Variants in DCC observed in about 807,000 individuals in gnomAD.
DCC encodes DCC netrin 1 receptor.
DCC carries 58 observed loss-of-function variants against 172.5 expected under a neutral mutation model. The ratio of observed to expected loss-of-function variants is 0.34; its 90% CI spans 0.27 to 0.42. The LOEUF (loss-of-function observed/expected upper bound fraction) is 0.42, where lower values mean the gene tolerates loss of function less well. Ranked by LOEUF, DCC falls within the 10% of genes least tolerant of loss-of-function variation. The pLI is 1.00. For synonymous variants in DCC, 709 were observed against 644.5 expected (o/e 1.10, Z -1.52); for missense variants, 1,740 against 1,791.0 (o/e 0.97, Z 0.51).
chr18:52,681,050 C>CT (rs1454927209), intron 1 of DCC, among the ~76,000 whole-genome samples: 2 of 152,054 alleles, frequency 1.3e-5, no homozygotes, highest in Non-Finnish European at 1.5e-5. Context: ...TTATTAAGTG[C>CT]TTACTCTATA....
rs111476286 is a variant in DCC at position 52,497,260 on chromosome 18, CAAAAAAAAAAA to C, written c.91+156393_91+156403del. ...TGGGTAACAGAGTGAGACCCTGTAT[CAAAAAAAAAAA>C]AAAAAAAAAATATATATATATATAT... On this transcript the variant is annotated intron_variant, in intron 1 of 28. Transcript: ENST00000442544. Among the ~76,000 whole-genome samples, 103 of 53,938 alleles carry C rather than the reference CAAAAAAAAAAA, an allele frequency of 1.9e-3. 9 individuals carry two copies. The highest frequency in any genetic ancestry group is 6.2e-3 in the African/African-American group (94 of 15,150). The allele number at this position is 53,938 out of a possible 152,430, so 35.4% of individuals were successfully genotyped here.
At chr18:52,595,649 A>C (rs1295044765) in intron 1 of DCC, among the ~76,000 whole-genome samples, 1 of 152,176 alleles carries the variant, frequency 6.6e-6, no homozygotes, top group African/African-American at 2.4e-5. Flanking sequence ...TCCTCAGTCC[A>C]TTCCGCTATC....
At chr18:53,056,261 A>G (rs900827242) in intron 5 of DCC, among the ~76,000 whole-genome samples, 2 of 152,112 alleles carry the variant, frequency 1.3e-5, no homozygotes, top group Non-Finnish European at 2.9e-5. Context: ...GTTTAAAACC[A>G]TCAGCTCTCC....
chr18:52,668,996 C>A (rs1173172750), intron 1 of DCC, among the ~76,000 whole-genome samples: 2 of 152,192 alleles, frequency 1.3e-5, no homozygotes, highest in Non-Finnish European at 2.9e-5. Flanking sequence ...GCAGAGCTGG[C>A]CGCACTGGAG....
chr18:52,566,295 C>T (rs1489151673), intron 1 of DCC, among the ~76,000 whole-genome samples: 1 of 151,986 alleles, frequency 6.6e-6, no homozygotes, highest in South Asian at 2.1e-4. Flanking sequence ...TGTTCTCATT[C>T]GTAAGTGGGA....
chr18:53,259,392 T>G (rs1468928108), intron 12 of DCC, among the ~76,000 whole-genome samples: 1 of 152,214 alleles, frequency 6.6e-6, no homozygotes, highest in Non-Finnish European at 1.5e-5. Context: ...AGGAGCTCTT[T>G]TAGGGCAGGC....
At chr18:53,287,671 G>A (rs1355536467) in intron 12 of DCC, among the ~76,000 whole-genome samples, 1 of 152,006 alleles carries the variant, frequency 6.6e-6, no homozygotes, top group Non-Finnish European at 1.5e-5. Context: ...TGCCAATATT[G>A]TTATTATGTG....
intron 1 of DCC, among the ~76,000 whole-genome samples, chr18:52,436,334 A>G (rs759063908): frequency 2.6e-4 from 39 of 152,324 alleles, no homozygotes; most frequent in Admixed American, 8.5e-4. Flanking sequence ...TTTGAGACAG[A>G]CATTAGTGGC....
chr18:53,482,014 A>C (rs1046396694), intron 25 of DCC, among the ~76,000 whole-genome samples: 1 of 152,116 alleles, frequency 6.6e-6, no homozygotes, highest in Non-Finnish European at 1.5e-5. Context: ...TTACATAAAC[A>C]TAGCAGTGGA....
chr18:52,536,117 G>C (rs1419180324), intron 1 of DCC, among the ~76,000 whole-genome samples: 1 of 152,184 alleles, frequency 6.6e-6, no homozygotes, highest in Non-Finnish European at 1.5e-5. Context: ...TGTGTGGCTA[G>C]AAAGTAGAGG....
intron 10 of DCC, 98 bp downstream of exon 10, chr18:53,205,462 C>A: frequency 8.8e-7 from 1 of 1,137,858 alleles, no homozygotes; most frequent in South Asian, 1.2e-5. Flanking sequence ...CTCGCAAACT[C>A]TTGAAACAGC....
chr18:53,299,836 CTATTT>C (rs2057111918), intron 12 of DCC, among the ~76,000 whole-genome samples: 1 of 152,124 alleles, frequency 6.6e-6, no homozygotes, highest in African/African-American at 2.4e-5. Flanking sequence ...GGATACATGT[CTATTT>C]TATTTAACCA....
At chr18:53,162,315 A>T (rs991939209) in intron 8 of DCC, among the ~76,000 whole-genome samples, 6 of 151,444 alleles carry the variant, frequency 4.0e-5, no homozygotes, top group African/African-American at 1.2e-4. Flanking sequence ...AAAAAAAAAA[A>T]TTAAGACCAG....
intron 1 of DCC, among the ~76,000 whole-genome samples, chr18:52,614,861 A>G (rs1451597827): frequency 6.6e-6 from 1 of 152,210 alleles, no homozygotes; most frequent in African/African-American, 2.4e-5. Context: ...TTGAGAAAAT[A>G]GTAACATAAA....
intron 1 of DCC, among the ~76,000 whole-genome samples, chr18:52,393,229 C>G (rs1285921432): frequency 1.3e-5 from 2 of 152,078 alleles, no homozygotes; most frequent in East Asian, 3.9e-4. Context: ...CCATTCATAA[C>G]AGAGGGTTAT....
At chr18:52,396,890 A>C (rs1400449152) in intron 1 of DCC, among the ~76,000 whole-genome samples, 1 of 152,038 alleles carries the variant, frequency 6.6e-6, no homozygotes, top group Non-Finnish European at 1.5e-5. Flanking sequence ...GTGATCCTCT[A>C]AGAGAGGGCA....
rs1303495611 is a variant in DCC at position 53,328,069 on chromosome 18, AT to A, written c.2164+5913del. Among the ~76,000 whole-genome samples, 8 of 152,348 alleles carry A rather than the reference AT, an allele frequency of 5.3e-5. No homozygotes were observed. In the East Asian group the frequency reaches 1.4e-3, roughly 26 times the overall value. Reference sequence around the variant, plus strand: ...AAGCAAAAACTGATTTTTAAAAGCAATATGGTATCTGTTTCAGTTCCGGTGC... The same window carrying A: ...AAGCAAAAACTGATTTTTAAAAGCAAATGGTATCTGTTTCAGTTCCGGTGC... On this transcript the variant is annotated intron_variant, in intron 14 of 28. Transcript: ENST00000442544.
intron 12 of DCC, among the ~76,000 whole-genome samples, chr18:53,297,988 T>C: frequency 6.6e-6 from 1 of 152,146 alleles, no homozygotes; most frequent in Non-Finnish European, 1.5e-5. Context: ...TCACTCCTGG[T>C]GTGTTGAGTG....
chr18:52,511,432 G>A (rs542669086), intron 1 of DCC, among the ~76,000 whole-genome samples: 2 of 152,196 alleles, frequency 1.3e-5, no homozygotes, highest in Admixed American at 6.5e-5. Flanking sequence ...GTACCTCTTC[G>A]ACGTGGAAAG....
Sources: allele counts gnomAD v4.1 joint callset (sites outside exome capture counted in the v4.1 genomes callset), GRCh38; gene constraint gnomAD v4.1.1; transcripts MANE v1.5; gene names NCBI Gene and HGNC (gene_info 2026-07-23, HGNC 2026-07-21).